Variants in RIMS1 observed in about 807,000 individuals in gnomAD.
The protein encoded by RIMS1 is regulating synaptic membrane exocytosis 1.
A neutral mutation model predicts 214.1 loss-of-function variants in RIMS1; 83 were observed. That is an observed-to-expected ratio of 0.39 (90% CI 0.32 to 0.47). The LOEUF is 0.47. Among genes scored for constraint, RIMS1 ranks in the 20% least tolerant of loss-of-function variants. RIMS1 has a pLI of 0.99. For synonymous variants in RIMS1, 793 were observed against 786.8 expected (o/e 1.01, Z -0.13); for missense variants, 2,050 against 2,161.8 (o/e 0.95, Z 1.03).
intron 1 of RIMS1, among the ~76,000 whole-genome samples, chr6:71,923,798 A>G (rs1275660120): frequency 6.6e-6 from 1 of 152,098 alleles, no homozygotes; most frequent in Non-Finnish European, 1.5e-5. Context: ...TGCTGACCTC[A>G]GGTGATCCAC....
At chr6:71,926,742 C>T (rs1463188693) in intron 1 of RIMS1, among the ~76,000 whole-genome samples, 1 of 152,028 alleles carries the variant, frequency 6.6e-6, no homozygotes, top group African/African-American at 2.4e-5. Context: ...AAGTTAACAC[C>T]AGCCTAGTAA....
intron 5 of RIMS1, 131 bp from the exon 6 acceptor site, chr6:72,182,153 A>G (rs2048493579): frequency 3.1e-6 from 3 of 978,810 alleles, no homozygotes; most frequent in Non-Finnish European, 4.4e-6. Context: ...TTACAGTTCC[A>G]CCTTCAGATC....
chr6:72,307,328 G>T lies in RIMS1; in HGVS notation c.3921G>T (p.Gly1307=), dbSNP rs769179703. 287 of 1,605,416 alleles carry T rather than the reference G, an allele frequency of 1.8e-4. No homozygotes were observed. Among genetic ancestry groups the T allele is most frequent in the Non-Finnish European group, 2.3e-4 (271 of 1,175,962 alleles). ...MKVHRFKQTT[G]SGSSQELDRE... ...TGCATCGATTTAAGCAGACAACAGG[G>T]TCTGGTTCTAGTCAAGAACTTGATC... Residue 1307 remains glycine (G), a synonymous_variant, in exon 27 of 34, where the codon GGG becomes GGT. Transcript: ENST00000521978.
intron 29 of RIMS1, among the ~76,000 whole-genome samples, chr6:72,374,160 G>T (rs148829167): frequency 6.6e-5 from 10 of 152,208 alleles, no homozygotes; most frequent in Non-Finnish European, 1.2e-4. Flanking sequence ...TGATCCGCCC[G>T]CCTCGGCCTC....
chr6:72,036,215 T>C (rs1562169756), intron 2 of RIMS1, among the ~76,000 whole-genome samples: 1 of 152,174 alleles, frequency 6.6e-6, no homozygotes, highest in East Asian at 1.9e-4. Flanking sequence ...CTATTACTTG[T>C]TGTTCTTTTA....
Position 71,907,012 on chromosome 6 carries a change from C to A in RIMS1, c.164+19825C>A, listed in dbSNP as rs1332964806. On this transcript the variant is annotated intron_variant, in intron 1 of 33. Transcript: ENST00000521978. Reference sequence around the variant, plus strand: ...TTGAATCACAATTGGAGCTTTGGTTCTTACATTGTGCTAAGCCAGAAGACT... The same window carrying A: ...TTGAATCACAATTGGAGCTTTGGTTATTACATTGTGCTAAGCCAGAAGACT... Among the ~76,000 whole-genome samples the A allele has an allele frequency of 3.3e-5, 5 of 152,148 alleles. No individual in the cohort carries two copies. In the East Asian group the frequency reaches 9.6e-4, roughly 29 times the overall value.
chr6:72,082,047 T>A (rs1833545338), intron 2 of RIMS1, among the ~76,000 whole-genome samples: 1 of 152,154 alleles, frequency 6.6e-6, no homozygotes, highest in African/African-American at 2.4e-5. Context: ...GCAAGTAAAA[T>A]TCAGGAAGCT....
chr6:71,914,939 T>C (rs1280350016), intron 1 of RIMS1, among the ~76,000 whole-genome samples: 1 of 152,146 alleles, frequency 6.6e-6, no homozygotes, highest in Non-Finnish European at 1.5e-5. Context: ...CCTACATCAC[T>C]ATCAGAGTAC....
At position 72,400,996 on chromosome 6, in the gene RIMS1, TAC is replaced by T. The variant is rs2098831907; in HGVS notation, c.*292_*293del. 5.9e-5 allele frequency: 22 copies of T among 372,618 alleles called. No homozygotes were observed. The highest frequency in any genetic ancestry group is 2.1e-4 in the East Asian group (4 of 19,352). 23.1% of individuals were successfully genotyped at this position (372,618 alleles called of 1,614,324 possible). A position where few individuals can be genotyped will look rare whatever the true frequency, so the allele number is the denominator to read the frequency against. ...GAAACTTTAAATCCACGCATACACGTACACACACACATGCACACACACACACA... is the reference window on the plus strand; with the variant it reads ...GAAACTTTAAATCCACGCATACACGTACACACACATGCACACACACACACA... On this transcript the variant is annotated 3_prime_UTR_variant, in exon 34 of 34. Coordinates refer to ENST00000521978, the MANE Select transcript of RIMS1 (RefSeq NM_014989.7).
At chr6:71,909,345 C>A (rs1776237408) in intron 1 of RIMS1, among the ~76,000 whole-genome samples, 1 of 152,116 alleles carries the variant, frequency 6.6e-6, no homozygotes, top group South Asian at 2.1e-4. Context: ...ATGAAATAGT[C>A]TTTTTCTAAC....
intron 2 of RIMS1, among the ~76,000 whole-genome samples, chr6:71,995,541 G>A (rs1803167574): frequency 6.6e-6 from 1 of 151,380 alleles, no homozygotes; most frequent in Non-Finnish European, 1.5e-5. Context: ...TGTGTTTACT[G>A]GATGTGTTCT....
chr6:72,191,098 G>T (rs1027284723), intron 6 of RIMS1, among the ~76,000 whole-genome samples: 4 of 152,200 alleles, frequency 2.6e-5, no homozygotes, highest in Non-Finnish European at 5.9e-5. Flanking sequence ...TGACAGAGCA[G>T]CTTGCACAGC....
intron 6 of RIMS1, among the ~76,000 whole-genome samples, chr6:72,202,977 C>A (rs2052287189): frequency 6.6e-6 from 1 of 152,006 alleles, no homozygotes; most frequent in Non-Finnish European, 1.5e-5. Flanking sequence ...CATAAATATT[C>A]TTTCTTTCTT....
At chr6:71,911,415 T>C (rs997323668) in intron 1 of RIMS1, among the ~76,000 whole-genome samples, 7 of 152,138 alleles carry the variant, frequency 4.6e-5, no homozygotes, top group African/African-American at 1.7e-4. Context: ...AACAATTTTC[T>C]TATCTATCTC....
intron 6 of RIMS1, 135 bp downstream of exon 6, chr6:72,183,284 G>A (rs929976102): frequency 1.3e-6 from 1 of 744,610 alleles, no homozygotes; most frequent in Non-Finnish European, 2.1e-6. Flanking sequence ...GTTACCGCCA[G>A]TGGAAGGTCT....
At chr6:72,337,611 TTAAG>T (rs1229309195) in intron 29 of RIMS1, among the ~76,000 whole-genome samples, 1 of 151,836 alleles carries the variant, frequency 6.6e-6, no homozygotes, top group African/African-American at 2.4e-5. Flanking sequence ...AAATTATACT[TTAAG>T]TTTTAGGGTA....
intron 6 of RIMS1, among the ~76,000 whole-genome samples, chr6:72,194,729 AC>A (rs1310877442): frequency 6.6e-6 from 1 of 152,170 alleles, no homozygotes; most frequent in Non-Finnish European, 1.5e-5. Flanking sequence ...TCTTTCAAAT[AC>A]AGTTTAATTC....
At chr6:72,233,622 A>C (rs1470387558) in intron 6 of RIMS1, 151 bp from the exon 7 acceptor site, 8 of 621,870 alleles carry the variant, frequency 1.3e-5, no homozygotes, top group Non-Finnish European at 1.5e-5. Flanking sequence ...TTCAAGTCAC[A>C]ACCTTTGCAA....
intron 6 of RIMS1, among the ~76,000 whole-genome samples, chr6:72,214,271 A>G (rs549915775): frequency 6.6e-6 from 1 of 152,306 alleles, no homozygotes; most frequent in African/African-American, 2.4e-5. Context: ...AATACTTAAT[A>G]AACCAAACAG....
Sources: gnomAD v4.1 joint callset for allele counts (sites outside exome capture counted in the v4.1 genomes callset) on GRCh38, gnomAD v4.1.1 for gene constraint, MANE v1.5 for transcripts, NCBI Gene and HGNC (gene_info 2026-07-23, HGNC 2026-07-21) for gene names.